The following THRB variants were observed in gnomAD, a reference collection of about 807,000 sequenced individuals.
The protein encoded by THRB is thyroid hormone receptor beta.
In THRB, 12 loss-of-function variants were observed where a neutral mutation model predicts 47.8. The observed-to-expected ratio is 0.25, with a 90% confidence interval of 0.16 to 0.41. The LOEUF (loss-of-function observed/expected upper bound fraction) is 0.41, where lower values mean the gene tolerates loss of function less well. Ranked by LOEUF, THRB falls within the 10% of genes least tolerant of loss-of-function variation. The pLI is 1.00. For missense variants in THRB, 348 were observed against 589.2 expected, an observed-to-expected ratio of 0.59 and a Z score of 4.24; for synonymous variants, 218 against 212.2, an observed-to-expected ratio of 1.03 and a Z score of -0.24.
At chr3:24,414,839 G>C (rs994546565) in intron 1 of THRB, among the ~76,000 whole-genome samples, 1 of 151,848 alleles carries the variant, frequency 6.6e-6, no homozygotes, top group Admixed American at 6.6e-5. Context: ...TAGAAAAAGT[G>C]ATTTCCTAGA....
chr3:24,369,327 T>G lies in THRB; in HGVS notation c.-260-31956A>C, dbSNP rs534916129. On this transcript the variant is annotated intron_variant, in intron 1 of 10. Coordinates refer to ENST00000646209, the MANE Select transcript of THRB (RefSeq NM_001354712.2). ...ACAACTCTGCTGGGAGGTTTGACTC[T>G]CGTTTTGCAAAACAGAAAATTAAGA... Among the ~76,000 whole-genome samples the G allele has an allele frequency of 2.0e-5, 3 of 152,244 alleles. No individual in the cohort carries two copies. In the East Asian group the frequency reaches 5.8e-4, roughly 29 times the overall value.
intron 1 of THRB, among the ~76,000 whole-genome samples, chr3:24,397,546 T>A (rs2067055761): frequency 6.6e-6 from 1 of 151,454 alleles, no homozygotes; most frequent in African/African-American, 2.4e-5. Flanking sequence ...AGCATTAACA[T>A]AGACAATCAA....
chr3:24,428,057 T>G (rs1476624474), intron 1 of THRB, among the ~76,000 whole-genome samples: 1 of 152,044 alleles, frequency 6.6e-6, no homozygotes, highest in Non-Finnish European at 1.5e-5. Context: ...TCACCACTAA[T>G]GGTTCCCTGT....
chr3:24,187,082 G>A (rs947570844), intron 5 of THRB, among the ~76,000 whole-genome samples: 3 of 151,904 alleles, frequency 2.0e-5, no homozygotes, highest in African/African-American at 7.3e-5. Context: ...TTAAAAATCT[G>A]GTCCATTATG....
At chr3:24,161,606 C>T (rs1024083847) in intron 5 of THRB, among the ~76,000 whole-genome samples, 1 of 96,822 alleles carries the variant, frequency 1.0e-5, no homozygotes, top group Non-Finnish European at 2.2e-5. Context: ...CTGGAGTCAA[C>T]AGAGCTACAG....
intron 1 of THRB, among the ~76,000 whole-genome samples, chr3:24,431,261 TACACACACACACACACA>T (rs1251098024): frequency 2.9e-5 from 4 of 135,706 alleles, no homozygotes; most frequent in Admixed American, 1.5e-4. Context: ...TCTCTCTCTC[TACACACACACACACACA>T]CACACACACA....
chr3:24,439,069 C>A (rs575084866), intron 1 of THRB, among the ~76,000 whole-genome samples: 1 of 152,264 alleles, frequency 6.6e-6, no homozygotes, highest in African/African-American at 2.4e-5. Flanking sequence ...GGTCATTCTG[C>A]ACAGAGGCAA....
chr3:24,144,434 T>G (rs566821359), intron 7 of THRB: 4 of 152,712 alleles, frequency 2.6e-5, no homozygotes, highest in African/African-American at 9.6e-5. Flanking sequence ...GTTCCTTAGG[T>G]TCTCTGAGCT....
At chr3:24,446,478 T>C (rs1011945866) in intron 1 of THRB, among the ~76,000 whole-genome samples, 1 of 151,822 alleles carries the variant, frequency 6.6e-6, no homozygotes, top group African/African-American at 2.4e-5. Context: ...GAGTTATGTG[T>C]GTTTGTGTGT....
At chr3:24,366,913 A>G (rs1271733404) in intron 1 of THRB, among the ~76,000 whole-genome samples, 1 of 150,888 alleles carries the variant, frequency 6.6e-6, no homozygotes, top group African/African-American at 2.4e-5. Flanking sequence ...GTGAGCCACC[A>G]CACCATTCCT....
chr3:24,125,125 C>T (rs2032494725), intron 10 of THRB, among the ~76,000 whole-genome samples: 1 of 147,388 alleles, frequency 6.8e-6, no homozygotes, highest in Non-Finnish European at 1.5e-5. Context: ...GTTAAACTGA[C>T]CCACTACAGA....
At chr3:24,293,502 A>C (rs918233061) in intron 3 of THRB, among the ~76,000 whole-genome samples, 1 of 152,222 alleles carries the variant, frequency 6.6e-6, no homozygotes, top group Non-Finnish European at 1.5e-5. Flanking sequence ...AAATCCAAGG[A>C]CATGCTACCT....
intron 1 of THRB, 100 bp downstream of exon 1, chr3:24,494,552 T>A (rs1698738858): frequency 6.8e-6 from 1 of 147,972 alleles, no homozygotes; most frequent in Admixed American, 6.7e-5. Flanking sequence ...CCGCGCGCGC[T>A]CGGCTTAGCC....
intron 2 of THRB, among the ~76,000 whole-genome samples, chr3:24,336,435 A>C (rs185228584): frequency 7.2e-5 from 11 of 152,188 alleles, no homozygotes; most frequent in Non-Finnish European, 1.2e-4. Flanking sequence ...TATTACCAAA[A>C]AGCCATTTTT....
At chr3:24,438,351 C>T (rs1427384307) in intron 1 of THRB, among the ~76,000 whole-genome samples, 3 of 151,940 alleles carry the variant, frequency 2.0e-5, no homozygotes, top group South Asian at 2.1e-4. Flanking sequence ...AAACATAGAG[C>T]AGTTAAAAAG....
intron 1 of THRB, among the ~76,000 whole-genome samples, chr3:24,466,265 CT>C (rs1274253358): frequency 2.0e-5 from 3 of 151,366 alleles, no homozygotes; most frequent in African/African-American, 2.4e-5. Flanking sequence ...GTTTTTTTTC[CT>C]CTTATTTACC....
intron 1 of THRB, among the ~76,000 whole-genome samples, chr3:24,349,387 G>A (rs2063222513): frequency 6.6e-6 from 1 of 151,892 alleles, no homozygotes; most frequent in Non-Finnish European, 1.5e-5. Context: ...ATAGCAATGA[G>A]CCAAGAATAA....
chr3:24,136,267 A>G (rs1214865770), intron 8 of THRB, among the ~76,000 whole-genome samples: 2 of 152,234 alleles, frequency 1.3e-5, no homozygotes, highest in Non-Finnish European at 2.9e-5. Context: ...TGGCTATTTA[A>G]TGGACTACAA....
chr3:24,484,378 G>C (rs1696956240), intron 1 of THRB, among the ~76,000 whole-genome samples: 1 of 152,144 alleles, frequency 6.6e-6, no homozygotes, highest in Non-Finnish European at 1.5e-5. Flanking sequence ...TGGCTATTAA[G>C]ATGTGCTGCA....
Sources: gnomAD v4.1 joint callset for allele counts (sites outside exome capture counted in the v4.1 genomes callset) on GRCh38, gnomAD v4.1.1 for gene constraint, MANE v1.5 for transcripts, NCBI Gene and HGNC (gene_info 2026-07-23, HGNC 2026-07-21) for gene names.